The following SIAH3 variants were observed in gnomAD, a reference collection of about 807,000 sequenced individuals.
SIAH3 encodes siah E3 ubiquitin protein ligase family member 3, also known as seven in absentia homolog 3.
Under a neutral mutation model 12.6 loss-of-function variants are expected in SIAH3, and 9 were observed. The ratio of observed to expected loss-of-function variants is 0.72; its 90% CI spans 0.43 to 1.25. SIAH3 has a LOEUF of 1.25. Among genes scored for constraint, SIAH3 ranks in the 50% most tolerant of loss-of-function variants. SIAH3 has a pLI of 0.00. For missense variants in SIAH3, 390 were observed against 365.4 expected, an observed-to-expected ratio of 1.07 and a Z score of -0.55; for synonymous variants, 154 against 151.1, an observed-to-expected ratio of 1.02 and a Z score of -0.14.
At chr13:45,799,821 A>G (rs1365471580) in intron 1 of SIAH3, among the ~76,000 whole-genome samples, 1 of 152,232 alleles carries the variant, frequency 6.6e-6, no homozygotes, top group African/African-American at 2.4e-5. Flanking sequence ...TTTAGTTAGC[A>G]GGGGAGCTCA....
rs1950676034 is a variant in SIAH3 at position 45,826,405 on chromosome 13, A to AGGGGTGAGTGGCTGGG, written c.135+25089_135+25090insCCCAGCCACTCACCCC. The stretch of plus-strand genomic sequence containing the variant: ...AATGGATGGATGGATGGATGGATGG[A>AGGGGTGAGTGGCTGGG]TGGATGGATGGATGGATGGATGGAT... On this transcript the variant is annotated intron_variant, in intron 1 of 1. Transcript: ENST00000400405. Among the ~76,000 whole-genome samples, 3 of 88,054 alleles carry AGGGGTGAGTGGCTGGG rather than the reference A, an allele frequency of 3.4e-5. 1 individual carries two copies. Among genetic ancestry groups the AGGGGTGAGTGGCTGGG allele is most frequent in the Non-Finnish European group, 6.6e-5 (3 of 45,486 alleles). The allele number at this position is 88,054 out of a possible 152,430, so 57.8% of individuals were successfully genotyped here.
chr13:45,819,874 A>T (rs1566093297), intron 1 of SIAH3, among the ~76,000 whole-genome samples: 1 of 152,136 alleles, frequency 6.6e-6, no homozygotes, highest in Non-Finnish European at 1.5e-5. Context: ...AGGCTGGGTC[A>T]CTTATAAAGA....
At chr13:45,822,801 G>A (rs57967617) in intron 1 of SIAH3, among the ~76,000 whole-genome samples, 4,703 of 151,992 alleles carry the variant, frequency 0.031, 214 homozygotes, top group African/African-American at 0.1. Flanking sequence ...GTCCTGAAAC[G>A]GAGCTGGTTT....
At chr13:45,835,934 A>T (rs1213823690) in intron 1 of SIAH3, among the ~76,000 whole-genome samples, 1 of 152,086 alleles carries the variant, frequency 6.6e-6, no homozygotes, top group East Asian at 1.9e-4. Context: ...TAGTTTTCCC[A>T]CTTTCTTGCC....
chr13:45,850,311 TGAG>T (rs1335917748), intron 1 of SIAH3, among the ~76,000 whole-genome samples: 1 of 152,180 alleles, frequency 6.6e-6, no homozygotes, highest in Non-Finnish European at 1.5e-5. Context: ...GGGCTCCAGC[TGAG>T]GACAGTCCGG....
chr13:45,825,025 C>T (rs947108609), intron 1 of SIAH3, among the ~76,000 whole-genome samples: 8 of 151,966 alleles, frequency 5.3e-5, no homozygotes, highest in African/African-American at 7.3e-5. Context: ...TGCAAACGTA[C>T]GGCAGCATGA....
intron 1 of SIAH3, among the ~76,000 whole-genome samples, chr13:45,845,379 C>T (rs892908830): frequency 7.2e-5 from 11 of 152,012 alleles, no homozygotes; most frequent in Admixed American, 7.2e-4. Context: ...ACTGCATATG[C>T]AATGGTGACT....
At chr13:45,808,192 C>T (rs1470036700) in intron 1 of SIAH3, among the ~76,000 whole-genome samples, 2 of 152,080 alleles carry the variant, frequency 1.3e-5, no homozygotes, top group African/African-American at 4.8e-5. Context: ...CTAGAGTAGA[C>T]TGAAGAAAGT....
chr13:45,795,723 A>G (rs1445824661), intron 1 of SIAH3, among the ~76,000 whole-genome samples: 6 of 152,200 alleles, frequency 3.9e-5, no homozygotes, highest in African/African-American at 1.4e-4. Flanking sequence ...GCCTCTTCAC[A>G]GTTATAATCA....
intron 1 of SIAH3, among the ~76,000 whole-genome samples, chr13:45,806,590 A>C (rs956190878): frequency 2.8e-4 from 42 of 152,292 alleles, no homozygotes; most frequent in Middle Eastern, 3.4e-3. Flanking sequence ...GAAGGAAGAC[A>C]ATGGTTGAAA....
chr13:45,797,960 G>C (rs1950568878), intron 1 of SIAH3, among the ~76,000 whole-genome samples: 1 of 152,168 alleles, frequency 6.6e-6, no homozygotes, highest in African/African-American at 2.4e-5. Context: ...GGGAGGGAAT[G>C]CCTTGATTTG....
chr13:45,787,568 C>T (rs1002128100), intron 1 of SIAH3, among the ~76,000 whole-genome samples: 38 of 152,090 alleles, frequency 2.5e-4, no homozygotes, highest in African/African-American at 9.2e-4. Context: ...GCAGAAAAGG[C>T]AAAGGACCTG....
At chr13:45,838,397 T>C (rs1950726660) in intron 1 of SIAH3, among the ~76,000 whole-genome samples, 1 of 152,194 alleles carries the variant, frequency 6.6e-6, no homozygotes, top group Non-Finnish European at 1.5e-5. Flanking sequence ...CTGGCATTTA[T>C]TTAATTACCA....
chr13:45,842,153 C>G (rs1190552371), intron 1 of SIAH3, among the ~76,000 whole-genome samples: 2 of 152,198 alleles, frequency 1.3e-5, no homozygotes, highest in East Asian at 3.8e-4. Context: ...TTTTACTGCT[C>G]TACCTTCCCC....
intron 1 of SIAH3, among the ~76,000 whole-genome samples, chr13:45,821,437 T>A (rs1212205153): frequency 6.6e-6 from 1 of 152,238 alleles, no homozygotes. Context: ...CAGGTACTAG[T>A]AGCCCAATCA....
chr13:45,808,911 T>C (rs1362112495), intron 1 of SIAH3, among the ~76,000 whole-genome samples: 1 of 152,244 alleles, frequency 6.6e-6, no homozygotes, highest in Non-Finnish European at 1.5e-5. Flanking sequence ...GTTTAAGACT[T>C]GTACCCATTT....
intron 1 of SIAH3, among the ~76,000 whole-genome samples, chr13:45,801,266 G>T (rs1238601130): frequency 6.6e-6 from 1 of 152,194 alleles, no homozygotes. Context: ...TGTGTTGGGG[G>T]TGACACTTGA....
In SIAH3 at chr13:45,851,584, G is replaced by A. The variant is rs1443751976; in HGVS notation, c.46C>T (p.His16Tyr). 6.2e-7 allele frequency: 1 copy of A among 1,614,206 alleles called. No individual in the cohort carries two copies. Among genetic ancestry groups the A allele is most frequent in the East Asian group, 2.2e-5 (1 of 44,880 alleles). Reference sequence around the variant, plus strand: ...GCCTTGTAGTGCTGAAACCGGAGATGAATGAGATCTAATACAGCCCCAAAG... The same window carrying A: ...GCCTTGTAGTGCTGAAACCGGAGATAAATGAGATCTAATACAGCCCCAAAG... ...QCFGAVLDLI[H>Y]LRFQHYKAKR... Residue 16 changes from histidine to tyrosine, a missense_variant, in exon 1 of 2, where the codon CAT becomes TAT. Physicochemically the swap from His to Tyr is moderately conservative, Grantham distance 83. Transcript: ENST00000400405.
intron 1 of SIAH3, among the ~76,000 whole-genome samples, chr13:45,840,136 TA>T (rs1304987883): frequency 6.6e-6 from 1 of 152,018 alleles, no homozygotes; most frequent in African/African-American, 2.4e-5. Flanking sequence ...TGTGCACCTG[TA>T]ATTCCAGCTA....
Sources: allele counts gnomAD v4.1 joint callset (sites outside exome capture counted in the v4.1 genomes callset), GRCh38; gene constraint gnomAD v4.1.1; transcripts MANE v1.5; gene names NCBI Gene and HGNC (gene_info 2026-07-23, HGNC 2026-07-21).